Variants in LRP1B observed in about 807,000 individuals in gnomAD.
The protein encoded by LRP1B is LDL receptor related protein 1B, also known as low-density lipoprotein receptor-related protein 1B.
A neutral mutation model predicts 556.6 loss-of-function variants in LRP1B; 217 were observed. That is an observed-to-expected ratio of 0.39 (90% CI 0.35 to 0.44). LRP1B has a LOEUF of 0.44. Ranked by LOEUF, LRP1B falls within the 20% of genes least tolerant of loss-of-function variation. The probability of loss-of-function intolerance (pLI) is 1.00; values close to 1 mark genes in which losing one functional copy is unlikely to be tolerated. For synonymous variants in LRP1B, 2,047 were observed against 1,865.8 expected (o/e 1.10, Z -2.50); for missense variants, 5,053 against 5,620.8 (o/e 0.90, Z 3.23).
Position 140,917,016 on chromosome 2 carries a change from CT to C in LRP1B, c.3319+5948del, listed in dbSNP as rs370110313. 2.9e-4 allele frequency among the ~76,000 whole-genome samples: 44 copies of C among 152,240 alleles called. No homozygotes were observed. In the East Asian group the frequency reaches 7.9e-3, roughly 27 times the overall value. ...AATATCATGTTTGCACCTAAGTGTC[CT>C]ATTCTGGCCTATTTAGGTTGTTTGG... On this transcript the variant is annotated intron_variant, in intron 21 of 90. Transcript: ENST00000389484.
intron 20 of LRP1B, among the ~76,000 whole-genome samples, chr2:140,947,262 A>G (rs1695574089): frequency 6.6e-6 from 1 of 152,244 alleles, no homozygotes; most frequent in Non-Finnish European, 1.5e-5. Context: ...AACGAAGATT[A>G]TATATGGAAT....
At chr2:141,170,161 G>A (rs557012206) in intron 7 of LRP1B, among the ~76,000 whole-genome samples, 2 of 151,982 alleles carry the variant, frequency 1.3e-5, no homozygotes, top group East Asian at 1.9e-4. Context: ...GTCCTTTTTG[G>A]GGCAACCAAG....
chr2:141,961,318 A>G (rs1164273290), intron 1 of LRP1B, among the ~76,000 whole-genome samples: 1 of 151,776 alleles, frequency 6.6e-6, no homozygotes, highest in Non-Finnish European at 1.5e-5. Flanking sequence ...TTTAACATAC[A>G]GCCTCCACTT....
At chr2:142,015,991 CAAAAAAA>C (rs70994471) in intron 1 of LRP1B, among the ~76,000 whole-genome samples, 1 of 38,790 alleles carries the variant, frequency 2.6e-5, no homozygotes, top group South Asian at 1.9e-3. Context: ...GACTCCATCT[CAAAAAAA>C]AAAAAAAAAA....
intron 1 of LRP1B, among the ~76,000 whole-genome samples, chr2:141,975,413 A>G (rs1011896762): frequency 2.6e-5 from 4 of 152,064 alleles, no homozygotes; most frequent in Non-Finnish European, 5.9e-5. Context: ...AAGACAAGAC[A>G]TTACCTTTTA....
chr2:140,497,183 T>G (rs992516741), intron 55 of LRP1B, among the ~76,000 whole-genome samples: 2 of 151,964 alleles, frequency 1.3e-5, no homozygotes, highest in Non-Finnish European at 2.9e-5. Context: ...CTCTTGGCAC[T>G]TTCATGTTTA....
At chr2:141,962,408 A>T (rs528086029) in intron 1 of LRP1B, among the ~76,000 whole-genome samples, 2 of 151,784 alleles carry the variant, frequency 1.3e-5, no homozygotes, top group Non-Finnish European at 2.9e-5. Context: ...ATTTTTATTA[A>T]TTCATCCTTT....
At chr2:140,959,725 T>C (rs903731113) in intron 18 of LRP1B, among the ~76,000 whole-genome samples, 3 of 151,728 alleles carry the variant, frequency 2.0e-5, no homozygotes, top group African/African-American at 7.2e-5. Flanking sequence ...TTCAGGAAAT[T>C]TCAGCCTTTT....
chr2:141,121,872 C>T (rs1224308539), intron 7 of LRP1B, among the ~76,000 whole-genome samples: 1 of 152,082 alleles, frequency 6.6e-6, no homozygotes, highest in Non-Finnish European at 1.5e-5. Context: ...CTACAGTAAC[C>T]AAAACAGCAT....
chr2:141,856,733 C>A (rs1046667714), intron 1 of LRP1B, among the ~76,000 whole-genome samples: 3 of 152,146 alleles, frequency 2.0e-5, no homozygotes, highest in Non-Finnish European at 4.4e-5. Flanking sequence ...GATTTGGCTT[C>A]TTTCACAGCA....
intron 1 of LRP1B, among the ~76,000 whole-genome samples, chr2:141,819,121 C>A (rs1032263046): frequency 1.3e-5 from 2 of 151,548 alleles, no homozygotes; most frequent in African/African-American, 4.8e-5. Flanking sequence ...CACCTGTATC[C>A]CAGCTACTCA....
chr2:140,948,252 A>G (rs1402683823), intron 20 of LRP1B, among the ~76,000 whole-genome samples: 2 of 152,202 alleles, frequency 1.3e-5, no homozygotes, highest in Non-Finnish European at 2.9e-5. Context: ...CGCACACCCC[A>G]CGAGGAGCCT....
intron 1 of LRP1B, among the ~76,000 whole-genome samples, chr2:141,826,654 C>T (rs1038086686): frequency 6.6e-6 from 1 of 151,894 alleles, no homozygotes; most frequent in Non-Finnish European, 1.5e-5. Context: ...CCACCACGCC[C>T]GACCAGAAGT....
intron 7 of LRP1B, among the ~76,000 whole-genome samples, chr2:141,162,173 G>A (rs531823816): frequency 6.6e-6 from 1 of 152,138 alleles, no homozygotes; most frequent in African/African-American, 2.4e-5. Context: ...AACTTAAAAT[G>A]TTTATGAAAT....
intron 2 of LRP1B, among the ~76,000 whole-genome samples, chr2:141,789,686 G>A (rs1695546900): frequency 6.6e-6 from 1 of 151,950 alleles, no homozygotes; most frequent in African/African-American, 2.4e-5. Flanking sequence ...ATACTTTCCA[G>A]TTTCATTTAG....
At chr2:142,035,605 T>G (rs1703849220) in intron 1 of LRP1B, among the ~76,000 whole-genome samples, 1 of 151,722 alleles carries the variant, frequency 6.6e-6, no homozygotes, top group Admixed American at 6.6e-5. Flanking sequence ...CTTATGAGTT[T>G]TGTTTCCGTC....
chr2:140,635,204 A>G (rs1684029828), intron 41 of LRP1B, among the ~76,000 whole-genome samples: 1 of 152,096 alleles, frequency 6.6e-6, no homozygotes, highest in Non-Finnish European at 1.5e-5. Context: ...TTCTCTCTGT[A>G]AAACAAGGAT....
In LRP1B at chr2:141,983,502, A is replaced by G. The variant is rs111746422; in HGVS notation, c.82+147146T>C. Among the ~76,000 whole-genome samples, 451 of 152,308 alleles carry G rather than the reference A, an allele frequency of 3.0e-3. 2 individuals are homozygous for G. Among genetic ancestry groups the G allele is most frequent in the African/African-American group, 9.9e-3 (413 of 41,570 alleles). Reference sequence around the variant, plus strand: ...CTTATTGAGAAAGGATGAACCTATCATAACACAATTTATTCTACCTATTTT... The same window carrying G: ...CTTATTGAGAAAGGATGAACCTATCGTAACACAATTTATTCTACCTATTTT... On this transcript the variant is annotated intron_variant, in intron 1 of 90. Coordinates refer to ENST00000389484, the MANE Select transcript of LRP1B (RefSeq NM_018557.3).
At chr2:140,724,930 T>C (rs1687539180) in intron 35 of LRP1B, among the ~76,000 whole-genome samples, 1 of 152,204 alleles carries the variant, frequency 6.6e-6, no homozygotes, top group African/African-American at 2.4e-5. Context: ...AGGTCAGAAA[T>C]ATAAGCATTC....
Sources: gnomAD v4.1 joint callset for allele counts (sites outside exome capture counted in the v4.1 genomes callset) on GRCh38, gnomAD v4.1.1 for gene constraint, MANE v1.5 for transcripts, NCBI Gene and HGNC (gene_info 2026-07-23, HGNC 2026-07-21) for gene names.